Variants in CHD5 observed in about 807,000 individuals in gnomAD.
CHD5 encodes the protein chromodomain helicase DNA binding protein 5.
In CHD5, 69 loss-of-function variants were observed where a neutral mutation model predicts 230.3. The ratio of observed to expected loss-of-function variants is 0.30; its 90% CI spans 0.25 to 0.37. The LOEUF (loss-of-function observed/expected upper bound fraction) is 0.37, where lower values mean the gene tolerates loss of function less well. Ranked by LOEUF, CHD5 falls within the 10% of genes least tolerant of loss-of-function variation. The probability of loss-of-function intolerance (pLI) is 1.00; values close to 1 mark genes in which losing one functional copy is unlikely to be tolerated. For missense variants in CHD5, 1,827 were observed against 2,622.8 expected, an observed-to-expected ratio of 0.70 and a Z score of 6.63; for synonymous variants, 1,064 against 1,065.9, an observed-to-expected ratio of 1.00 and a Z score of 0.03.
rs1571144512 is a variant in CHD5 at position 6,121,953 on chromosome 1, T to A, written c.4700-380A>T. Among the ~76,000 whole-genome samples the A allele has an allele frequency of 6.6e-6, 1 of 151,788 alleles. No individual in the cohort carries two copies. Among genetic ancestry groups the A allele is most frequent in the Non-Finnish European group, 1.5e-5 (1 of 67,954 alleles). The stretch of plus-strand genomic sequence containing the variant: ...CTGGTGTGTGCCTCTGGACAGGGGG[T>A]GAATTTCCTCCCTGCCAAGCCAGCC... On this transcript the variant is annotated intron_variant, in intron 31 of 41. Transcript: ENST00000262450. This position sits in a 1 kb window ranked among gnomAD's most constrained non-coding sequence, Gnocchi z 4.5.
chr1:6,132,809 G>A (rs1666678266), intron 20 of CHD5, among the ~76,000 whole-genome samples: 1 of 152,050 alleles, frequency 6.6e-6, no homozygotes, highest in Non-Finnish European at 1.5e-5. Context: ...ATTTTAGGGT[G>A]TCAATTACTC....
chr1:6,150,050 G>A (rs1666978048), intron 7 of CHD5, among the ~76,000 whole-genome samples: 1 of 144,482 alleles, frequency 6.9e-6, no homozygotes, highest in Non-Finnish European at 1.5e-5. Context: ...GATGAGTAAT[G>A]GATGGACAAA....
chr1:6,130,111 G>C lies in CHD5; in HGVS notation c.3387+93C>G, dbSNP rs748797591. 9.8e-6 allele frequency: 14 copies of C among 1,435,694 alleles called. No individual in the cohort carries two copies. Among genetic ancestry groups the C allele is most frequent in the Non-Finnish European group, 1.4e-5 (14 of 1,034,470 alleles). The allele number at this position is 1,435,694 out of a possible 1,614,324, so 88.9% of individuals were successfully genotyped here. A position where few individuals can be genotyped will look rare whatever the true frequency, so the allele number is the denominator to read the frequency against. On this transcript the variant is annotated intron_variant, in intron 22 of 41. Transcript: ENST00000262450. This position sits in a 1 kb window ranked among gnomAD's most constrained non-coding sequence, Gnocchi z 4.9. Reference sequence around the variant, plus strand: ...GCCCACAGCACCAGGATAGGTGAGGGGGTGATGGCAAGAAGGGCATGAAGG... The same window carrying C: ...GCCCACAGCACCAGGATAGGTGAGGCGGTGATGGCAAGAAGGGCATGAAGG...
At chr1:6,133,210 G>A (rs1270806433) in intron 20 of CHD5, among the ~76,000 whole-genome samples, 1 of 152,202 alleles carries the variant, frequency 6.6e-6, no homozygotes, top group Non-Finnish European at 1.5e-5. Flanking sequence ...TGGAAGCTGT[G>A]TGGTTCCCAT....
chr1:6,113,471 T>A, intron 33 of CHD5: 1 of 234,302 alleles, frequency 4.3e-6, no homozygotes, highest in African/African-American at 2.3e-5. Flanking sequence ...GAGAAGGAAA[T>A]CACCGGGTGC....
intron 15 of CHD5, among the ~76,000 whole-genome samples, chr1:6,139,622 C>T (rs534561704): frequency 6.6e-5 from 10 of 151,762 alleles, no homozygotes; most frequent in South Asian, 4.2e-4. Flanking sequence ...ACAATCATGG[C>T]GCACTACAGC....
At position 6,134,287 on chromosome 1, in the gene CHD5, T is replaced by G. The variant is rs3765452; in HGVS notation, c.3013-28A>C. The stretch of plus-strand genomic sequence containing the variant: ...GCAGACACAGCAGGAGGTGGGGCAT[T>G]GGTGGGCTCCCCTCTCCTCTCTGAC... On this transcript the variant is annotated intron_variant, in intron 19 of 41. Coordinates refer to ENST00000262450, the MANE Select transcript of CHD5 (RefSeq NM_015557.3). This position sits in a 1 kb window ranked among gnomAD's most constrained non-coding sequence, Gnocchi z 6.3. 0.2 allele frequency: 328,029 copies of G among 1,607,220 alleles called. 41,791 individuals carry two copies. The highest frequency in any genetic ancestry group is 0.69 in the East Asian group (31,104 of 44,846).
At chr1:6,166,922 C>T (rs537789823) in intron 2 of CHD5, among the ~76,000 whole-genome samples, 135 of 152,304 alleles carry the variant, frequency 8.9e-4, no homozygotes, top group African/African-American at 3.1e-3. Context: ...CAGGCCCTCC[C>T]GAAACCCTCA....
intron 2 of CHD5, among the ~76,000 whole-genome samples, chr1:6,166,372 T>C (rs1667255026): frequency 1.3e-5 from 2 of 151,354 alleles, no homozygotes; most frequent in Non-Finnish European, 2.9e-5. Context: ...CAGGAAGCTC[T>C]CCCAGGAGAG....
chr1:6,120,801 A>T (rs941365195), intron 33 of CHD5, among the ~76,000 whole-genome samples: 7 of 151,936 alleles, frequency 4.6e-5, no homozygotes, highest in Non-Finnish European at 7.4e-5. Flanking sequence ...TACTAGGGAG[A>T]CTGAGGCACA....
At chr1:6,127,685 G>A (rs950968317) in intron 25 of CHD5, among the ~76,000 whole-genome samples, 12 of 152,188 alleles carry the variant, frequency 7.9e-5, no homozygotes, top group African/African-American at 2.9e-4. Context: ...GACTGGAGCC[G>A]GGATGACGCC....
intron 37 of CHD5, 30 bp from the exon 38 acceptor site, chr1:6,110,020 C>G: frequency 6.7e-7 from 1 of 1,490,486 alleles, no homozygotes; most frequent in South Asian, 1.4e-5. Flanking sequence ...TCGGCCCGGC[C>G]CCTCCCGCTG....
At chr1:6,174,389 G>A (rs1667386119) in intron 1 of CHD5, among the ~76,000 whole-genome samples, 1 of 152,252 alleles carries the variant, frequency 6.6e-6, no homozygotes, top group Admixed American at 6.5e-5. Context: ...ATTGTATAGT[G>A]AATGGATGGA....
chr1:6,111,888 G>C lies in CHD5; in HGVS notation c.5141-5C>G, dbSNP rs769846006. 4 of 1,612,272 alleles carry C rather than the reference G, an allele frequency of 2.5e-6. No homozygotes were observed. Among genetic ancestry groups the C allele is most frequent in the Non-Finnish European group, 2.5e-6 (3 of 1,179,306 alleles). On this transcript the variant is annotated splice_region_variant and splice_polypyrimidine_tract_variant and intron_variant, in intron 35 of 41. Coordinates refer to ENST00000262450, the MANE Select transcript of CHD5 (RefSeq NM_015557.3). ...TCTGCCACAGCGTGTGCAACTCTGG[G>C]AAACAAGCCAAGGTGAGCAGGGTGA...
intron 38 of CHD5, among the ~76,000 whole-genome samples, chr1:6,108,944 C>T (rs946869877): frequency 6.6e-6 from 1 of 151,764 alleles, no homozygotes; most frequent in African/African-American, 2.4e-5. Flanking sequence ...AGGGCTGTGC[C>T]AGGGGAGGTA....
rs777729655 is a variant in CHD5, at chr1:6,106,760, C to T, written c.5598G>A (p.Glu1866=). The T allele has an allele frequency of 3.4e-5, 55 of 1,610,848 alleles. 1 individual carries two copies. Among genetic ancestry groups the T allele is most frequent in the Middle Eastern group, 3.4e-4 (2 of 5,830 alleles). The change falls in exon 39 of 42, where the codon GAG becomes GAA. Residue 1866 remains glutamate (E), a synonymous_variant. Coordinates refer to ENST00000262450, the MANE Select transcript of CHD5 (RefSeq NM_015557.3). ...CGTCGGCCTTCATGTCGCTCAGCAGCTCCTCCAGCTGGTTCAGGACTGTGG... is the reference window on the plus strand; with the variant it reads ...CGTCGGCCTTCATGTCGCTCAGCAGTTCCTCCAGCTGGTTCAGGACTGTGG... ...VLHKVLNQLE[E]LLSDMKADVT...
intron 33 of CHD5, among the ~76,000 whole-genome samples, chr1:6,118,005 A>G (rs543413181): frequency 5.4e-4 from 82 of 152,344 alleles, no homozygotes; most frequent in South Asian, 1.0e-3. Context: ...ACAGTAGCCA[A>G]AAAGTGGAAA....
At chr1:6,161,958 C>T (rs1482642041) in intron 2 of CHD5, among the ~76,000 whole-genome samples, 5 of 152,208 alleles carry the variant, frequency 3.3e-5, no homozygotes, top group African/African-American at 9.6e-5. Flanking sequence ...CAGTGAGTCC[C>T]GGGCTCCCCA....
rs1469509787 is a variant in CHD5 at position 6,106,459 on chromosome 1, G to C, written c.5793C>G (p.Phe1931Leu). 6.4e-7 allele frequency: 1 copy of C among 1,562,272 alleles called. No individual in the cohort carries two copies. Among genetic ancestry groups the C allele is most frequent in the Non-Finnish European group, 8.7e-7 (1 of 1,153,650 alleles). ...QMYSNNFGPN[F>L]RGPGPGGIVN... ...CAATCCCTCCCGGTCCAGGGCCCCG[G>C]AAGTTGGGCCCAAAGTTGTTGCTGT... The change falls in exon 40 of 42, where the codon TTC (phenylalanine) becomes TTG (leucine). Residue 1931 changes from phenylalanine (F) to leucine (L), a missense_variant. By Grantham distance (22) the Phe-to-Leu change is conservative (BLOSUM62 0). Around this residue, in one of 14 missense-constraint regions of CHD5, gnomAD observed 208 missense variants for 302.0 expected, o/e 0.69. Coordinates refer to ENST00000262450, the MANE Select transcript of CHD5 (RefSeq NM_015557.3).
Sources: gnomAD v4.1 joint callset for allele counts (sites outside exome capture counted in the v4.1 genomes callset) on GRCh38, gnomAD v4.1.1 for gene constraint, gnomAD v4.1.1 regional missense constraint, Gnocchi (gnomAD v3.1) non-coding constraint, MANE v1.5 for transcripts, NCBI Gene and HGNC (gene_info 2026-07-23, HGNC 2026-07-21) for gene names.